Variants in DYSF observed in about 807,000 individuals in gnomAD.
The protein encoded by DYSF is dystrophy-associated fer-1-like 1.
A neutral mutation model predicts 274.9 loss-of-function variants in DYSF; 212 were observed. That is an observed-to-expected ratio of 0.77 (90% confidence interval 0.69 to 0.86). The LOEUF (loss-of-function observed/expected upper bound fraction) is 0.86. Ranked by LOEUF, DYSF falls within the 40% of genes least tolerant of loss-of-function variation. The probability of loss-of-function intolerance (pLI) is 0.00; values close to 1 mark genes in which losing one functional copy is unlikely to be tolerated. For synonymous variants in DYSF, 1,091 were observed against 1,078.7 expected, an observed-to-expected ratio of 1.01 and a Z score of -0.22; for missense variants, 2,666 against 2,783.2, an observed-to-expected ratio of 0.96 and a Z score of 0.95.
intron 36 of DYSF, among the ~76,000 whole-genome samples, chr2:71,604,655 C>T (rs550892085): frequency 1.3e-5 from 2 of 152,172 alleles, no homozygotes; most frequent in South Asian, 2.1e-4. Flanking sequence ...CCAGTAGGAA[C>T]GGATGGGGCA....
At chr2:71,627,212 T>C (rs889061783) in intron 41 of DYSF, among the ~76,000 whole-genome samples, 8 of 151,930 alleles carry the variant, frequency 5.3e-5, no homozygotes, top group African/African-American at 1.9e-4. Flanking sequence ...TTAACCTCTA[T>C]GTAAACATTT....
In DYSF at chr2:71,615,429, C is replaced by G. The variant is rs2093859413; in HGVS notation, c.4464+2019C>G. Among the ~76,000 whole-genome samples, 1 of 152,128 alleles carries G rather than the reference C, an allele frequency of 6.6e-6. No individual in the cohort carries two copies. Among genetic ancestry groups the G allele is most frequent in the Admixed American group, 6.5e-5 (1 of 15,286 alleles). On this transcript the variant is annotated intron_variant, in intron 40 of 55. Transcript: ENST00000410020. The surrounding 1 kb of genome is among the most constrained non-coding windows in gnomAD (Gnocchi z 4.9). ...ATGGGGGAGGCTTGGACCTTGCCCT[C>G]ATGGAGCTCCCTGTCTGATGAAAGA...
rs553180533 is a variant in DYSF, at chr2:71,627,107, T to A, written c.4527+6498T>A. Among the ~76,000 whole-genome samples, 9 of 151,784 alleles carry A rather than the reference T, an allele frequency of 5.9e-5. No individual in the cohort carries two copies. In the South Asian group the frequency reaches 1.9e-3, roughly 31 times the overall value. ...AGAATTTTTAGTTGATCTTCTCTAT[T>A]ATTTCCTTATTTTATAATTTATTAA... is the stretch of plus-strand genomic sequence containing the variant. On this transcript the variant is annotated intron_variant, in intron 41 of 55. Transcript: ENST00000410020.
At position 71,665,213 on chromosome 2, in the gene DYSF, C is replaced by T. The variant is rs997793741; in HGVS notation, c.5226C>T (p.His1742=). 3 of 1,614,108 alleles carry T rather than the reference C, an allele frequency of 1.9e-6. No individual in the cohort carries two copies. Among genetic ancestry groups the T allele is most frequent in the South Asian group, 2.2e-5 (2 of 91,086 alleles). ...RDQLRPSQLL[H]LFCQQHRVKA... ...AGCTCCGCCCCTCCCAGCTCCTCCA[C>T]CTCTTCTGCCAGCAGCATAGAGTCA... Residue 1742 remains histidine (H), a synonymous_variant, in exon 47 of 56, where the codon CAC becomes CAT. Coordinates refer to ENST00000410020, the MANE Select transcript of DYSF (RefSeq NM_001130987.2).
intron 3 of DYSF, among the ~76,000 whole-genome samples, chr2:71,486,418 T>C (rs1312714431): frequency 2.0e-5 from 3 of 152,212 alleles, no homozygotes; most frequent in African/African-American, 7.2e-5. Context: ...GCCCCTCCTT[T>C]TATTCTTTCT....
intron 32 of DYSF, among the ~76,000 whole-genome samples, chr2:71,593,718 CT>C (rs2093335543): frequency 6.6e-6 from 1 of 152,206 alleles, no homozygotes; most frequent in Non-Finnish European, 1.5e-5. Flanking sequence ...CAGCTAAGAA[CT>C]GCTGTTGTGG....
chr2:71,481,860 T>C lies in DYSF; in HGVS notation c.148-19T>C, dbSNP rs2082938483. 6.2e-7 allele frequency: 1 copy of C among 1,610,114 alleles called. No individual in the cohort carries two copies. Among genetic ancestry groups the C allele is most frequent in the African/African-American group, 1.3e-5 (1 of 74,842 alleles). On this transcript the variant is annotated intron_variant, in intron 2 of 55. Coordinates refer to ENST00000410020, the MANE Select transcript of DYSF (RefSeq NM_001130987.2). ...CTAGAGGGCCATAGGTTAAGATGCC[T>C]TTTCTCTTTTTCTTCCAGGGATTTG...
At chr2:71,648,114 AAAAAG>A (rs2094595920) in intron 42 of DYSF, among the ~76,000 whole-genome samples, 1 of 152,232 alleles carries the variant, frequency 6.6e-6, no homozygotes, top group Non-Finnish European at 1.5e-5. Context: ...AAATCCTGCA[AAAAAG>A]AAAAGAAAAT....
intron 41 of DYSF, among the ~76,000 whole-genome samples, chr2:71,635,259 T>C (rs924953614): frequency 1.3e-5 from 2 of 152,226 alleles, no homozygotes; most frequent in African/African-American, 4.8e-5. Context: ...GGGGAAAAAC[T>C]GGCTGGACAA....
chr2:71,496,547 G>A (rs1312651830), intron 3 of DYSF, among the ~76,000 whole-genome samples: 1 of 152,156 alleles, frequency 6.6e-6, no homozygotes, highest in Non-Finnish European at 1.5e-5. Context: ...AGCTGTCTAT[G>A]TACCGACATA....
At chr2:71,541,178 A>G (rs564935394) in intron 17 of DYSF, among the ~76,000 whole-genome samples, 1 of 152,202 alleles carries the variant, frequency 6.6e-6, no homozygotes, top group Non-Finnish European at 1.5e-5. Flanking sequence ...CTTCTCTAAC[A>G]TCTGGAACAG....
chr2:71,565,318 T>C (rs1363541575), intron 24 of DYSF, among the ~76,000 whole-genome samples: 3 of 151,026 alleles, frequency 2.0e-5, no homozygotes, highest in African/African-American at 7.3e-5. Context: ...CTCGAAATCC[T>C]GACCTCAGGT....
At chr2:71,660,354 G>A (rs1354918341) in intron 44 of DYSF, among the ~76,000 whole-genome samples, 2 of 152,160 alleles carry the variant, frequency 1.3e-5, no homozygotes, top group African/African-American at 2.4e-5. Context: ...CCATTCCCAC[G>A]GCTGGAGCCA....
intron 3 of DYSF, among the ~76,000 whole-genome samples, chr2:71,493,520 A>G (rs992105972): frequency 1.3e-5 from 2 of 152,212 alleles, no homozygotes; most frequent in South Asian, 2.1e-4. Context: ...TATGCATGCC[A>G]TAGTAAACCA....
intron 44 of DYSF, 95 bp downstream of exon 44, chr2:71,659,128 A>G (rs894425456): frequency 7.7e-5 from 119 of 1,539,916 alleles, no homozygotes; most frequent in Non-Finnish European, 1.0e-4. Flanking sequence ...CAGGGAGTTC[A>G]TAGTAGGTTG....
At chr2:71,600,613 C>A in intron 33 of DYSF, 89 bp from the exon 34 acceptor site, 1 of 1,588,656 alleles carries the variant, frequency 6.3e-7, no homozygotes, top group South Asian at 1.1e-5. Context: ...CTTTCTAGTT[C>A]AGAAGGCACA....
chr2:71,482,498 T>A (rs1478182321), intron 3 of DYSF, among the ~76,000 whole-genome samples: 2 of 152,000 alleles, frequency 1.3e-5, no homozygotes, highest in Non-Finnish European at 2.9e-5. Context: ...CTTCCCTGTG[T>A]TGGGGTTTCT....
chr2:71,619,846 G>T (rs1280087605), intron 40 of DYSF, among the ~76,000 whole-genome samples: 1 of 152,160 alleles, frequency 6.6e-6, no homozygotes, highest in Non-Finnish European at 1.5e-5. Flanking sequence ...CCTGCCTTCA[G>T]CCCTGAGCCC....
chr2:71,659,520 G>C (rs1045636268), intron 44 of DYSF, among the ~76,000 whole-genome samples: 8 of 152,128 alleles, frequency 5.3e-5, no homozygotes, highest in Admixed American at 2.6e-4. Context: ...CAGAGTCCCA[G>C]GTAAAAGGGA....
Sources: gnomAD v4.1 joint callset for allele counts (sites outside exome capture counted in the v4.1 genomes callset) on GRCh38, gnomAD v4.1.1 for gene constraint, Gnocchi (gnomAD v3.1) non-coding constraint, MANE v1.5 for transcripts, NCBI Gene and HGNC (gene_info 2026-07-23, HGNC 2026-07-21) for gene names.